Variants in FER observed in about 807,000 individuals in gnomAD.
FER encodes FER tyrosine kinase, also known as tyrosine-protein kinase Fer.
Under a neutral mutation model 111.0 loss-of-function variants are expected in FER, and 63 were observed. The observed-to-expected ratio is 0.57, with a 90% confidence interval of 0.46 to 0.70. The LOEUF is 0.70. Ranked by LOEUF, FER falls within the 30% of genes least tolerant of loss-of-function variation. The pLI is 0.00. For synonymous variants in FER, 327 were observed against 313.9 expected (o/e 1.04, Z -0.44); for missense variants, 914 against 954.0 (o/e 0.96, Z 0.55).
chr5:109,015,352 A>T (rs78727224), intron 13 of FER, among the ~76,000 whole-genome samples: 1,545 of 152,206 alleles, frequency 0.01, 21 homozygotes, highest in African/African-American at 0.035. Flanking sequence ...ATTGACTTTT[A>T]GATAAATTAA....
chr5:108,847,739 A>G (rs990963071), intron 5 of FER, among the ~76,000 whole-genome samples: 8 of 152,102 alleles, frequency 5.3e-5, no homozygotes, highest in African/African-American at 1.7e-4. Context: ...TGACCTGACT[A>G]CTTTATTATT....
chr5:109,006,421 C>A (rs995480582), intron 13 of FER, among the ~76,000 whole-genome samples: 1 of 152,156 alleles, frequency 6.6e-6, no homozygotes, highest in Non-Finnish European at 1.5e-5. Context: ...TGCCTACCGC[C>A]ATGTGAGACA....
intron 17 of FER, among the ~76,000 whole-genome samples, chr5:109,180,365 G>T (rs1025908467): frequency 1.3e-5 from 2 of 152,182 alleles, no homozygotes; most frequent in Non-Finnish European, 2.9e-5. Context: ...TAGCCACATT[G>T]CAGGTGTCCA....
intron 9 of FER, chr5:108,894,368 C>T: frequency 1.0e-6 from 1 of 984,438 alleles, no homozygotes; most frequent in South Asian, 2.3e-5. Context: ...GCAAGGGTTC[C>T]TTCCTTGCTG....
chr5:108,954,905 G>A lies in FER; in HGVS notation c.1506G>A (p.Arg502=). Residue 502 remains arginine (R), a synonymous_variant, in exon 12 of 20, where the codon AGG becomes AGA. Transcript: ENST00000281092. ...YVLSVYSDGQ[R]RHFIIQYVDN... Reference sequence around the variant, plus strand: ...TTTCTGTATATTCTGATGGACAGAGGAGACATTTTATCATACAATATGTTG... The same window carrying A: ...TTTCTGTATATTCTGATGGACAGAGAAGACATTTTATCATACAATATGTTG... 6.2e-7 allele frequency: 1 copy of A among 1,609,866 alleles called. No individual in the cohort carries two copies. Among genetic ancestry groups the A allele is most frequent in the South Asian group, 1.1e-5 (1 of 90,808 alleles).
At chr5:109,077,211 T>A (rs183828258) in intron 16 of FER, among the ~76,000 whole-genome samples, 72 of 152,364 alleles carry the variant, frequency 4.7e-4, no homozygotes, top group African/African-American at 1.7e-3. Context: ...TGAATCACTC[T>A]TTCAGACAGT....
chr5:109,183,426 T>A lies in FER; in HGVS notation c.2203+2525T>A, dbSNP rs951181113. Among the ~76,000 whole-genome samples the A allele has an allele frequency of 2.0e-5, 3 of 152,014 alleles. No homozygotes were observed. The East Asian group carries it at 5.8e-4, about 29-fold the overall frequency. On this transcript the variant is annotated intron_variant, in intron 18 of 19. Coordinates refer to ENST00000281092, the MANE Select transcript of FER (RefSeq NM_005246.4). ...ACCACGCCCAGCTAATTTTTGTACT[T>A]TTAGTAGAGACAGGGTTTTACCATA...
intron 8 of FER, among the ~76,000 whole-genome samples, chr5:108,878,470 T>G (rs1176582385): frequency 6.6e-6 from 1 of 152,140 alleles, no homozygotes; most frequent in Non-Finnish European, 1.5e-5. Context: ...TGCATATTCC[T>G]TAGCATCATC....
intron 8 of FER, among the ~76,000 whole-genome samples, chr5:108,882,171 G>A (rs1310423196): frequency 6.6e-6 from 1 of 151,878 alleles, no homozygotes; most frequent in African/African-American, 2.4e-5. Flanking sequence ...GTTTTGGTAA[G>A]ACACATTTTT....
In FER at chr5:108,864,404, C is replaced by T. The variant is rs1460051806; in HGVS notation, c.482-3363C>T. 2.0e-5 allele frequency among the ~76,000 whole-genome samples: 3 copies of T among 152,094 alleles called. No individual in the cohort carries two copies. In the East Asian group the frequency reaches 5.8e-4, roughly 29 times the overall value. On this transcript the variant is annotated intron_variant, in intron 5 of 19. Transcript: ENST00000281092. ...GGAATGGTCTGAGGTCTGAAATTGT[C>T]CCTCTTTGCAAAAACCCTCACCTTT... is the stretch of plus-strand genomic sequence containing the variant.
intron 1 of FER, among the ~76,000 whole-genome samples, chr5:108,755,445 A>G (rs115465683): frequency 0.017 from 2,598 of 152,244 alleles, 77 homozygotes; most frequent in African/African-American, 0.06. Context: ...ACATTCTACA[A>G]AGAAAAGTGC....
At chr5:109,077,594 T>A (rs184798920) in intron 16 of FER, among the ~76,000 whole-genome samples, 2 of 152,300 alleles carry the variant, frequency 1.3e-5, no homozygotes, top group Admixed American at 1.3e-4. Flanking sequence ...TGCAGGGTCT[T>A]TGTAAACTCT....
At chr5:109,092,923 G>A (rs982837261) in intron 16 of FER, among the ~76,000 whole-genome samples, 1 of 152,134 alleles carries the variant, frequency 6.6e-6, no homozygotes, top group African/African-American at 2.4e-5. Context: ...ATATTATTCA[G>A]CCTTAAAGAA....
In FER at chr5:109,026,611, A is replaced by G. The variant is rs6872450; in HGVS notation, c.1657-10811A>G. 7.6e-3 allele frequency among the ~76,000 whole-genome samples: 1,163 copies of G among 152,288 alleles called. 11 individuals are homozygous for G. The highest frequency in any genetic ancestry group is 0.027 in the African/African-American group (1,136 of 41,554). Reference sequence around the variant, plus strand: ...AAAATTGTATATAAAAGAAAAATAGAGATAGCAAATATTTCTCAGTATGAG... The same window carrying G: ...AAAATTGTATATAAAAGAAAAATAGGGATAGCAAATATTTCTCAGTATGAG... On this transcript the variant is annotated intron_variant, in intron 13 of 19. Coordinates refer to ENST00000281092, the MANE Select transcript of FER (RefSeq NM_005246.4).
intron 1 of FER, among the ~76,000 whole-genome samples, chr5:108,763,398 A>G (rs1751977049): frequency 6.6e-6 from 1 of 152,202 alleles, no homozygotes; most frequent in Non-Finnish European, 1.5e-5. Context: ...GATGAGGGCC[A>G]GGTGTTTACC....
At chr5:109,043,306 G>A (rs1771446530) in intron 14 of FER, among the ~76,000 whole-genome samples, 1 of 152,036 alleles carries the variant, frequency 6.6e-6, no homozygotes, top group Non-Finnish European at 1.5e-5. Context: ...TAAATAATCT[G>A]ACAATTGTGG....
chr5:109,128,497 T>G (rs1181033350), intron 17 of FER, among the ~76,000 whole-genome samples: 3 of 152,168 alleles, frequency 2.0e-5, no homozygotes, highest in Non-Finnish European at 4.4e-5. Flanking sequence ...AATTCATACT[T>G]GGGAGTTACC....
At chr5:108,879,791 C>A (rs981059786) in intron 8 of FER, among the ~76,000 whole-genome samples, 79 of 148,580 alleles carry the variant, frequency 5.3e-4, no homozygotes, top group African/African-American at 1.9e-3. Context: ...GTCACTGTAA[C>A]CTCCGCCTCT....
rs544623578 is a variant in FER, at chr5:109,053,691, A to ATTTT, written c.1924+6509_1924+6512dup. ...TCTTTTTATTGCTGAGTGGAGTTCT[A>ATTTT]TTTTTTTTTTTTTTTTTTTGAGACG... On this transcript the variant is annotated intron_variant, in intron 16 of 19. Transcript: ENST00000281092. 4.2e-4 allele frequency among the ~76,000 whole-genome samples: 50 copies of ATTTT among 119,386 alleles called. 1 individual carries two copies. The highest frequency in any genetic ancestry group is 4.8e-4 in the Non-Finnish European group (28 of 58,900). The allele number at this position is 119,386 out of a possible 152,430, so 78.3% of individuals were successfully genotyped here.
Sources: allele counts gnomAD v4.1 joint callset (sites outside exome capture counted in the v4.1 genomes callset), GRCh38; gene constraint gnomAD v4.1.1; transcripts MANE v1.5; gene names NCBI Gene and HGNC (gene_info 2026-07-23, HGNC 2026-07-21).